ANK3: variants seen among roughly 807,000 people sequenced by gnomAD.
ANK3 encodes the protein ankyrin 3.
ANK3 carries 57 observed loss-of-function variants against 370.9 expected under a neutral mutation model. That is an observed-to-expected ratio of 0.15 (90% CI 0.12 to 0.19). ANK3 has a LOEUF of 0.19. ANK3 is among the 10% of genes least tolerant of loss of function. The pLI is 1.00. For synonymous variants in ANK3, 1,929 were observed against 1,946.3 expected (o/e 0.99, Z 0.23); for missense variants, 4,439 against 5,302.1 (o/e 0.84, Z 5.06).
intron 28 of ANK3, among the ~76,000 whole-genome samples, chr10:60,091,520 GA>G: frequency 6.8e-6 from 1 of 146,170 alleles, no homozygotes; most frequent in African/African-American, 2.5e-5. Context: ...ACTAGAATGT[GA>G]CCAGGGAGGG....
At chr10:60,698,133 CA>C (rs903963936) in intron 1 of ANK3, among the ~76,000 whole-genome samples, 1 of 151,164 alleles carries the variant, frequency 6.6e-6, no homozygotes, top group Non-Finnish European at 1.5e-5. Context: ...TTTATGCAGC[CA>C]AAAAAAACAT....
chr10:60,336,096 G>T (rs1485910465), intron 1 of ANK3, among the ~76,000 whole-genome samples: 1 of 151,978 alleles, frequency 6.6e-6, no homozygotes, highest in African/African-American at 2.4e-5. Flanking sequence ...TTGGCGGGGG[G>T]GGGAAGCTGG....
chr10:60,668,958 A>C (rs1042211646), intron 1 of ANK3, among the ~76,000 whole-genome samples: 11 of 151,996 alleles, frequency 7.2e-5, no homozygotes, highest in African/African-American at 2.7e-4. Context: ...GCGCCACTGC[A>C]CTCCAGCCTG....
chr10:60,527,570 A>G (rs2076503272), intron 2 of ANK3, among the ~76,000 whole-genome samples: 1 of 152,152 alleles, frequency 6.6e-6, no homozygotes, highest in Non-Finnish European at 1.5e-5. Flanking sequence ...AAAAGAAAAA[A>G]TTTGCCTTTC....
intron 2 of ANK3, among the ~76,000 whole-genome samples, chr10:60,566,468 C>T (rs1182258216): frequency 6.6e-6 from 1 of 152,156 alleles, no homozygotes; most frequent in Admixed American, 6.5e-5. Flanking sequence ...ATGCAAAAAG[C>T]AAGTTTTTGA....
chr10:60,443,364 T>A (rs1595045396), intron 2 of ANK3, among the ~76,000 whole-genome samples: 1 of 152,046 alleles, frequency 6.6e-6, no homozygotes, highest in East Asian at 1.9e-4. Context: ...GGATCACTGC[T>A]GTCTCATAAT....
intron 1 of ANK3, among the ~76,000 whole-genome samples, chr10:60,374,223 C>T (rs935867793): frequency 6.6e-6 from 1 of 151,966 alleles, no homozygotes; most frequent in African/African-American, 2.4e-5. Flanking sequence ...GGGGATCCGG[C>T]GGGCAACCTT....
At chr10:60,241,693 G>T (rs886609955) in intron 7 of ANK3, among the ~76,000 whole-genome samples, 1 of 151,950 alleles carries the variant, frequency 6.6e-6, no homozygotes, top group African/African-American at 2.4e-5. Flanking sequence ...ACTACTCAAG[G>T]TAATATTTAT....
Position 60,076,153 on chromosome 10 carries a change from T to C in ANK3, c.4728A>G (p.Thr1576=). The change falls in exon 37 of 44, where the codon ACA becomes ACG. Residue 1576 remains threonine (T), a synonymous_variant. Transcript: ENST00000280772. ...DVASPIRSFR[T]MSSPIKTVVS... is the part of the protein sequence containing the mutation. ...CCACAGTTTTTATCGGCGAAGACAT[T>C]GTCCGAAAGGATCTAATTGGAGATG... The C allele has an allele frequency of 6.2e-7, 1 of 1,614,230 alleles. No homozygotes were observed. Among genetic ancestry groups the C allele is most frequent in the Non-Finnish European group, 8.5e-7 (1 of 1,180,018 alleles).
At chr10:60,555,078 A>G (rs2077177815) in intron 2 of ANK3, among the ~76,000 whole-genome samples, 1 of 152,232 alleles carries the variant, frequency 6.6e-6, no homozygotes, top group African/African-American at 2.4e-5. Context: ...ACAAGAAAAA[A>G]AAGACAAAAC....
chr10:60,288,738 AAG>A (rs1292404438), intron 1 of ANK3, among the ~76,000 whole-genome samples: 1 of 152,112 alleles, frequency 6.6e-6, no homozygotes, highest in African/African-American at 2.4e-5. Context: ...GGAGGAAATA[AAG>A]AGTTTTGAGG....
Position 60,166,579 on chromosome 10 carries a change from A to G in ANK3, c.2614+12T>C. The G allele has an allele frequency of 6.2e-7, 1 of 1,610,870 alleles. No individual in the cohort carries two copies. The highest frequency in any genetic ancestry group is 8.5e-7 in the Non-Finnish European group (1 of 1,177,670). Reference sequence around the variant, plus strand: ...GTAGTTAAGTTTCATCACAATAAAAATTTACAAATACCTTCTTCAACATCT... The same window carrying G: ...GTAGTTAAGTTTCATCACAATAAAAGTTTACAAATACCTTCTTCAACATCT... On this transcript the variant is annotated intron_variant, in intron 23 of 43. Transcript: ENST00000280772.
chr10:60,137,374 G>GAAAAAAAAAAAAAA (rs201151245), intron 24 of ANK3: 30 of 164,434 alleles, frequency 1.8e-4, no homozygotes, highest in East Asian at 9.5e-4. Context: ...GTAATTTTAG[G>GAAAAAAAAAAAAAA]AAAAAAAAAA....
intron 1 of ANK3, among the ~76,000 whole-genome samples, chr10:60,375,501 G>A (rs1019518706): frequency 1.3e-5 from 2 of 151,982 alleles, no homozygotes; most frequent in African/African-American, 4.8e-5. Context: ...CTGCCTGGGG[G>A]GGGAGGGGGG....
Position 60,114,282 on chromosome 10 carries a change from C to A in ANK3, c.2891G>T (p.Ser964Ile). Reference sequence around the variant, plus strand: ...ATTGTCTAAGGTGTCTGCAGCCCAGCTGTAATGTCTAAGAGAATCTGAATC... The same window carrying A: ...ATTGTCTAAGGTGTCTGCAGCCCAGATGTAATGTCTAAGAGAATCTGAATC... ...EFDSDSLRHY[S>I]WAADTLDNVN... is the part of the protein sequence containing the mutation. Residue 964 changes from serine to isoleucine, a missense_variant, in exon 26 of 44, where the codon AGC (serine) becomes ATC (isoleucine). Ser to Ile is a moderately radical substitution (Grantham distance 142). Coordinates refer to ENST00000280772, the MANE Select transcript of ANK3 (RefSeq NM_020987.5). The A allele has an allele frequency of 6.2e-7, 1 of 1,609,242 alleles. No individual in the cohort carries two copies.
At chr10:60,346,666 T>C (rs2055579736) in intron 1 of ANK3, among the ~76,000 whole-genome samples, 1 of 152,112 alleles carries the variant, frequency 6.6e-6, no homozygotes. Flanking sequence ...GTTTTACATG[T>C]ACATACATAA....
intron 2 of ANK3, among the ~76,000 whole-genome samples, chr10:60,584,116 T>G (rs911082867): frequency 6.6e-6 from 1 of 152,096 alleles, no homozygotes; most frequent in African/African-American, 2.4e-5. Context: ...TATGACCAAC[T>G]CCCTCTACCT....
intron 1 of ANK3, among the ~76,000 whole-genome samples, chr10:60,682,026 G>A (rs1262518569): frequency 6.6e-6 from 1 of 151,980 alleles, no homozygotes; most frequent in Non-Finnish European, 1.5e-5. Flanking sequence ...TGGTACCTGT[G>A]GTCTTAGCTA....
At chr10:60,719,095 T>TTTTGC (rs1380067704) in intron 1 of ANK3, among the ~76,000 whole-genome samples, 1 of 152,090 alleles carries the variant, frequency 6.6e-6, no homozygotes, top group Non-Finnish European at 1.5e-5. Flanking sequence ...TTCTTTTGCT[T>TTTTGC]TTTGTTTTGT....
Sources: gnomAD v4.1 joint callset for allele counts (sites outside exome capture counted in the v4.1 genomes callset) on GRCh38, gnomAD v4.1.1 for gene constraint, MANE v1.5 for transcripts, NCBI Gene and HGNC (gene_info 2026-07-23, HGNC 2026-07-21) for gene names.